Variants in MMP9 observed in about 807,000 individuals in gnomAD.
The protein encoded by MMP9 is matrix metalloproteinase-9.
Under a neutral mutation model 76.4 loss-of-function variants are expected in MMP9, and 73 were observed. The observed-to-expected ratio is 0.96, with a 90% confidence interval of 0.79 to 1.16. The LOEUF (loss-of-function observed/expected upper bound fraction) is 1.16, where lower values mean the gene tolerates loss of function less well. MMP9 is among the 50% of genes most tolerant of loss of function. The probability of loss-of-function intolerance (pLI) is 0.00; values close to 1 mark genes in which losing one functional copy is unlikely to be tolerated. For missense variants in MMP9, 943 were observed against 973.0 expected (o/e 0.97, Z 0.41); for synonymous variants, 412 against 408.4 (o/e 1.01, Z -0.11).
chr20:46,015,448 T>A (rs1012156171), intron 12 of MMP9, among the ~76,000 whole-genome samples: 1 of 135,912 alleles, frequency 7.4e-6, no homozygotes, highest in Non-Finnish European at 1.5e-5. Flanking sequence ...TTTTTTTTCT[T>A]TTTTCTTTTT....
At chr20:46,012,673 A>G in intron 8 of MMP9, 91 bp downstream of exon 8, 1 of 1,470,090 alleles carries the variant, frequency 6.8e-7, no homozygotes, top group Non-Finnish European at 9.3e-7. Context: ...CGGGGGAGGA[A>G]CGGGGCGTGC....
intron 2 of MMP9, among the ~76,000 whole-genome samples, 158 bp from the exon 3 acceptor site, chr20:46,010,325 A>AC (rs367606294): frequency 0.038 from 4,832 of 126,918 alleles, 499 homozygotes; most frequent in East Asian, 0.24. Context: ...AGTAGACAAA[A>AC]AAAAAAAAAA....
In MMP9 at chr20:46,013,687, G is replaced by C. The variant is rs1441511928; in HGVS notation, c.1641G>C (p.Gly547=). Residue 547 remains glycine (G), a synonymous_variant, in exon 10 of 13, where the codon GGG becomes GGC. Coordinates refer to ENST00000372330, the MANE Select transcript of MMP9 (RefSeq NM_004994.3). This position sits in a 1 kb window ranked among gnomAD's most constrained non-coding sequence, Gnocchi z 4.5. ...ACTGGCGATTCTCTGAGGGCAGGGGGAGCCGGCCGCAGGGCCCCTTCCTTA... is the reference window on the plus strand; with the variant it reads ...ACTGGCGATTCTCTGAGGGCAGGGGCAGCCGGCCGCAGGGCCCCTTCCTTA... ...GKYWRFSEGR[G]SRPQGPFLIA... is the part of the protein sequence containing the mutation. 6.2e-7 allele frequency: 1 copy of C among 1,613,882 alleles called. No homozygotes were observed. Among genetic ancestry groups the C allele is most frequent in the East Asian group, 2.2e-5 (1 of 44,868 alleles).
intron 12 of MMP9, among the ~76,000 whole-genome samples, chr20:46,015,079 G>C (rs2084310434): frequency 6.6e-6 from 1 of 152,182 alleles, no homozygotes; most frequent in South Asian, 2.1e-4. Context: ...AGATTAGAGA[G>C]GGGGTAGGAG....
chr20:46,013,949 T>A lies in MMP9; in HGVS notation c.1750+153T>A, dbSNP rs1443120530. 1.0e-5 allele frequency: 14 copies of A among 1,394,214 alleles called. No homozygotes were observed. Among genetic ancestry groups the A allele is most frequent in the African/African-American group, 1.4e-5 (1 of 69,900 alleles). 86.4% of individuals were successfully genotyped at this position (1,394,214 alleles called of 1,614,324 possible). Reference sequence around the variant, plus strand: ...TAGCAAACGTAGGGGCGGCTGAGTTTCTGCCCCCTCCTCTCCACGCCCTCG... The same window carrying A: ...TAGCAAACGTAGGGGCGGCTGAGTTACTGCCCCCTCCTCTCCACGCCCTCG... On this transcript the variant is annotated intron_variant, in intron 10 of 12. Transcript: ENST00000372330. This position sits in a 1 kb window ranked among gnomAD's most constrained non-coding sequence, Gnocchi z 4.5.
chr20:46,014,705 C>T, intron 12 of MMP9: 1 of 593,112 alleles, frequency 1.7e-6, no homozygotes, highest in Non-Finnish European at 3.0e-6. Flanking sequence ...CTTTCTCCTT[C>T]AGTACAGGAC....
intron 2 of MMP9, 150 bp from the exon 3 acceptor site, chr20:46,010,333 A>AAAAAAAAAAAAAAAAAAAAACAAAAAC (rs796972949): frequency 1.2e-6 from 1 of 827,448 alleles, no homozygotes; most frequent in African/African-American, 2.2e-5. Context: ...AAAAAAAAAA[A>AAAAAAAAAAAAAAAAAAAAACAAAAAC]AAAAAAAACA....
At chr20:46,010,452 T>C in intron 2 of MMP9, 31 bp from the exon 3 acceptor site, 1 of 1,613,212 alleles carries the variant, frequency 6.2e-7, no homozygotes. Context: ...CTTTCACTTC[T>C]GACCTCCTTC....
rs762100252 is a variant in MMP9, at chr20:46,009,067, G to A, written c.138+3G>A. The A allele has an allele frequency of 1.2e-6, 2 of 1,613,298 alleles. No individual in the cohort carries two copies. Among genetic ancestry groups the A allele is most frequent in the Non-Finnish European group, 1.7e-6 (2 of 1,179,668 alleles). Reference sequence around the variant, plus strand: ...TCACCGACAGGCAGCTGGCAGAGGTGGGCAAACACCTAGTCTAGAGTTGGG... The same window carrying A: ...TCACCGACAGGCAGCTGGCAGAGGTAGGCAAACACCTAGTCTAGAGTTGGG... On this transcript the variant is annotated splice_donor_region_variant and intron_variant, in intron 1 of 12. Coordinates refer to ENST00000372330, the MANE Select transcript of MMP9 (RefSeq NM_004994.3).
rs1179069895 is a variant in MMP9, at chr20:46,012,490, C to T, written c.1238C>T (p.Ser413Leu). 1 of 1,614,152 alleles carries T rather than the reference C, an allele frequency of 6.2e-7. No homozygotes were observed. The highest frequency in any genetic ancestry group is 1.1e-5 in the South Asian group (1 of 91,090). Reference sequence around the variant, plus strand: ...CACGCGCTGGGCTTAGATCATTCCTCAGTGCCGGAGGCGCTCATGTACCCT... The same window carrying T: ...CACGCGCTGGGCTTAGATCATTCCTTAGTGCCGGAGGCGCTCATGTACCCT... Reference protein sequence around the residue: ...FGHALGLDHSSVPEALMYPMY... With the variant: ...FGHALGLDHSLVPEALMYPMY... Residue 413 changes from serine (S) to leucine (L), a missense_variant, in exon 8 of 13, where the codon TCA becomes TTA. Transcript: ENST00000372330.
intron 12 of MMP9, chr20:46,014,705 C>G: frequency 3.4e-6 from 2 of 593,112 alleles, no homozygotes; most frequent in Non-Finnish European, 6.0e-6. Context: ...CTTTCTCCTT[C>G]AGTACAGGAC....
chr20:46,012,346 T>C, intron 7 of MMP9, 33 bp downstream of exon 7: 2 of 1,612,328 alleles, frequency 1.2e-6, no homozygotes, highest in South Asian at 2.2e-5. Context: ...GGGGCTGGGG[T>C]TCCCGGCAGT....
Position 46,013,868 on chromosome 20 carries a change from A to G in MMP9, c.1750+72A>G. ...CAAGGAGGCTCAAGAGACCATCGATAACCCACGAAACGTCTTGTGCGTTTT... is the reference window on the plus strand; with the variant it reads ...CAAGGAGGCTCAAGAGACCATCGATGACCCACGAAACGTCTTGTGCGTTTT... On this transcript the variant is annotated intron_variant, in intron 10 of 12. Transcript: ENST00000372330. This position sits in a 1 kb window ranked among gnomAD's most constrained non-coding sequence, Gnocchi z 4.5. 6.3e-7 allele frequency: 1 copy of G among 1,591,842 alleles called. No individual in the cohort carries two copies.
Position 46,013,821 on chromosome 20 carries a change from C to T in MMP9, c.1750+25C>T, listed in dbSNP as rs573847655. ...GGTTAGTTACCTACTTTCCCTCCCC[C>T]GCCCGGTCAATCCCCATCAGTCAAG... On this transcript the variant is annotated intron_variant, in intron 10 of 12. Transcript: ENST00000372330. The surrounding 1 kb of genome is among the most constrained non-coding windows in gnomAD (Gnocchi z 4.5). 3 of 1,611,194 alleles carry T rather than the reference C, an allele frequency of 1.9e-6. No individual in the cohort carries two copies. The highest frequency in any genetic ancestry group is 2.2e-5 in the South Asian group (2 of 90,758).
At position 46,010,015 on chromosome 20, in the gene MMP9, C is replaced by A. The variant is rs1428314491; in HGVS notation, c.288C>A (p.Thr96=). 1.9e-6 allele frequency: 3 copies of A among 1,551,562 alleles called. No homozygotes were observed. The highest frequency in any genetic ancestry group is 1.2e-5 in the South Asian group (1 of 84,064). ...LDSATLKAMR[T]PRCGVPDLGR... ...GCGCCACGCTGAAGGCCATGCGAAC[C>A]CCACGGTGCGGGGTCCCAGACCTGG... is the stretch of plus-strand genomic sequence containing the variant. The change falls in exon 2 of 13, where the codon ACC becomes ACA. Residue 96 remains threonine (T), a synonymous_variant. Coordinates refer to ENST00000372330, the MANE Select transcript of MMP9 (RefSeq NM_004994.3).
rs755719940 is a variant in MMP9 at position 46,011,279 on chromosome 20, C to T, written c.786C>T (p.Tyr262=). The T allele has an allele frequency of 4.3e-6, 7 of 1,609,210 alleles. No homozygotes were observed. The South Asian group carries it at 5.5e-5, about 13-fold the overall frequency. ...GLPWCSTTAN[Y]DTDDRFGFCP... is the part of the protein sequence containing the mutation. ...CCTGGTGCAGTACCACGGCCAACTA[C>T]GACACCGACGACCGGTTTGGCTTCT... Residue 262 remains tyrosine, a synonymous_variant, in exon 5 of 13, where the codon TAC becomes TAT. Transcript: ENST00000372330.
Position 46,010,534 on chromosome 20 carries a change from T to TGCCCGCGCCTTC in MMP9, c.426_437dup (p.Arg143_Ala146dup). 1.2e-6 allele frequency: 2 copies of TGCCCGCGCCTTC among 1,614,212 alleles called. No individual in the cohort carries two copies. Among genetic ancestry groups the TGCCCGCGCCTTC allele is most frequent in the Non-Finnish European group, 1.7e-6 (2 of 1,180,030 alleles). The stretch of plus-strand genomic sequence containing the variant: ...CGCGGGCGGTGATTGACGACGCCTT[T>TGCCCGCGCCTTC]GCCCGCGCCTTCGCACTGTGGAGCG... On this transcript the variant is annotated inframe_insertion, in exon 3 of 13. Coordinates refer to ENST00000372330, the MANE Select transcript of MMP9 (RefSeq NM_004994.3).
At position 46,013,012 on chromosome 20, in the gene MMP9, G is replaced by A. The variant is rs1358427606; in HGVS notation, c.1331-243G>A. Among the ~76,000 whole-genome samples the A allele has an allele frequency of 6.6e-6, 1 of 152,172 alleles. No homozygotes were observed. Among genetic ancestry groups the A allele is most frequent in the Non-Finnish European group, 1.5e-5 (1 of 68,024 alleles). The stretch of plus-strand genomic sequence containing the variant: ...AGGCTGAGGTGGGAGGATCTCTTGA[G>A]CCCAGGAGTTCGAGGCTGTAGTGAG... On this transcript the variant is annotated intron_variant, in intron 8 of 12. Coordinates refer to ENST00000372330, the MANE Select transcript of MMP9 (RefSeq NM_004994.3). This position sits in a 1 kb window ranked among gnomAD's most constrained non-coding sequence, Gnocchi z 4.5.
At chr20:46,010,775 A>T in intron 3 of MMP9, 144 bp downstream of exon 3, 1 of 1,552,632 alleles carries the variant, frequency 6.4e-7, no homozygotes. Context: ...CCTGCCAGAC[A>T]GTGCACAGGG....
Sources: allele counts gnomAD v4.1 joint callset (sites outside exome capture counted in the v4.1 genomes callset), GRCh38; gene constraint gnomAD v4.1.1; non-coding constraint Gnocchi (gnomAD v3.1); transcripts MANE v1.5; gene names NCBI Gene and HGNC (gene_info 2026-07-23, HGNC 2026-07-21).